The following TRIM44 variants were observed in gnomAD, a reference collection of about 807,000 sequenced individuals.
TRIM44 encodes tripartite motif containing 44, also known as tripartite motif-containing protein 44.
In TRIM44, 13 loss-of-function variants were observed where a neutral mutation model predicts 37.4. The ratio of observed to expected loss-of-function variants is 0.35; its 90% CI spans 0.23 to 0.55. The LOEUF (loss-of-function observed/expected upper bound fraction) is 0.55. Ranked by LOEUF, TRIM44 falls within the 20% of genes least tolerant of loss-of-function variation. TRIM44 has a pLI of 0.89. For synonymous variants in TRIM44, 175 were observed against 157.2 expected, an observed-to-expected ratio of 1.11 and a Z score of -0.85; for missense variants, 426 against 437.2, an observed-to-expected ratio of 0.97 and a Z score of 0.23.
At chr11:35,716,216 C>T (rs1290003940) in intron 2 of TRIM44, among the ~76,000 whole-genome samples, 3 of 152,050 alleles carry the variant, frequency 2.0e-5, no homozygotes, top group Admixed American at 6.6e-5. Context: ...AATAGAAAGC[C>T]AAGGATTCAA....
At chr11:35,800,252 G>A (rs1853348283) in intron 4 of TRIM44, among the ~76,000 whole-genome samples, 1 of 152,196 alleles carries the variant, frequency 6.6e-6, no homozygotes. Flanking sequence ...AGCTCTTAAA[G>A]GTGGTACAGA....
At chr11:35,797,580 A>G (rs1336113948) in intron 4 of TRIM44, among the ~76,000 whole-genome samples, 1 of 152,222 alleles carries the variant, frequency 6.6e-6, no homozygotes, top group African/African-American at 2.4e-5. Flanking sequence ...AACCCTTGAT[A>G]TGATGTAATG....
chr11:35,764,806 A>G (rs1441413962), intron 4 of TRIM44, among the ~76,000 whole-genome samples: 2 of 152,178 alleles, frequency 1.3e-5, no homozygotes, highest in Non-Finnish European at 2.9e-5. Context: ...CCAGCTTTAT[A>G]TCCTGGCATT....
intron 2 of TRIM44, among the ~76,000 whole-genome samples, chr11:35,706,846 C>G (rs1211794704): frequency 6.6e-6 from 1 of 151,352 alleles, no homozygotes. Context: ...CCTTTGAAAA[C>G]TGGCACAAGA....
intron 4 of TRIM44, among the ~76,000 whole-genome samples, chr11:35,795,405 G>A (rs1853268910): frequency 1.3e-5 from 2 of 152,000 alleles, no homozygotes; most frequent in East Asian, 3.9e-4. Context: ...TCAAGCAGGA[G>A]ATGGTGGCAG....
intron 2 of TRIM44, among the ~76,000 whole-genome samples, chr11:35,720,123 T>G (rs1470152370): frequency 3.3e-5 from 5 of 152,234 alleles, no homozygotes; most frequent in Non-Finnish European, 7.3e-5. Flanking sequence ...TAGATCAACT[T>G]TGGAAGACCT....
chr11:35,730,847 A>G (rs1324181335), intron 3 of TRIM44, among the ~76,000 whole-genome samples: 2 of 144,416 alleles, frequency 1.4e-5, no homozygotes, highest in Admixed American at 6.9e-5. Flanking sequence ...TATTAGCCTT[A>G]TATCTTTTTT....
rs1017025594 is a variant in TRIM44, at chr11:35,816,161, C to T, written c.*9776C>T. 1.3e-5 allele frequency: 2 copies of T among 152,112 alleles called. No individual in the cohort carries two copies. The highest frequency in any genetic ancestry group is 2.9e-5 in the Non-Finnish European group (2 of 68,014). 9.4% of individuals were successfully genotyped at this position (152,112 alleles called of 1,614,324 possible). A position where few individuals can be genotyped will look rare whatever the true frequency, so the allele number is the denominator to read the frequency against. Reference sequence around the variant, plus strand: ...GGCCTTTCCATCTGGAAACCATGAGCCTCATGGATTCCAGGCACAAATTCT... The same window carrying T: ...GGCCTTTCCATCTGGAAACCATGAGTCTCATGGATTCCAGGCACAAATTCT... On this transcript the variant is annotated 3_prime_UTR_variant, in exon 5 of 5. Transcript: ENST00000299413.
rs1852317789 is a variant in TRIM44 at position 35,735,562 on chromosome 11, T to C, written c.1007+117T>C. 5 of 1,012,714 alleles carry C rather than the reference T, an allele frequency of 4.9e-6. No homozygotes were observed. The South Asian group carries it at 6.9e-5, about 14-fold the overall frequency. 62.7% of individuals were successfully genotyped at this position (1,012,714 alleles called of 1,614,324 possible). A position where few individuals can be genotyped will look rare whatever the true frequency, so the allele number is the denominator to read the frequency against. On this transcript the variant is annotated intron_variant, in intron 4 of 4. Coordinates refer to ENST00000299413, the MANE Select transcript of TRIM44 (RefSeq NM_017583.6). ...GAACAGCACAGAAAAGGGATCTCTA[T>C]CTTAAGCCTGGGATTTGAAGATCTT... is the stretch of plus-strand genomic sequence containing the variant.
chr11:35,686,865 G>C (rs1349281077), intron 2 of TRIM44, among the ~76,000 whole-genome samples: 1 of 152,148 alleles, frequency 6.6e-6, no homozygotes, highest in Non-Finnish European at 1.5e-5. Context: ...GCCACACTTT[G>C]TTGTGCAGCC....
intron 3 of TRIM44, among the ~76,000 whole-genome samples, chr11:35,732,494 A>C (rs890856728): frequency 6.6e-6 from 1 of 152,226 alleles, no homozygotes; most frequent in African/African-American, 2.4e-5. Context: ...ATTATTTACT[A>C]TGAGCCTTGT....
chr11:35,785,583 T>C (rs992080665), intron 4 of TRIM44, among the ~76,000 whole-genome samples: 3 of 152,212 alleles, frequency 2.0e-5, no homozygotes, highest in African/African-American at 7.2e-5. Flanking sequence ...TCAGTCTTTA[T>C]GGTGGACAGC....
chr11:35,666,521 A>G (rs990411866), intron 1 of TRIM44, among the ~76,000 whole-genome samples: 4 of 152,200 alleles, frequency 2.6e-5, no homozygotes, highest in African/African-American at 9.7e-5. Flanking sequence ...ATTGCTTCGC[A>G]GTTAAGTTTT....
At position 35,663,118 on chromosome 11, in the gene TRIM44, T is replaced by G. The variant is rs1851289790; in HGVS notation, c.7T>G (p.Ser3Ala). The G allele has an allele frequency of 2.0e-6, 3 of 1,524,156 alleles. No homozygotes were observed. Among genetic ancestry groups the G allele is most frequent in the African/African-American group, 1.4e-5 (1 of 72,378 alleles). 94.4% of individuals were successfully genotyped at this position (1,524,156 alleles called of 1,614,324 possible). A position where few individuals can be genotyped will look rare whatever the true frequency, so the allele number is the denominator to read the frequency against. The change falls in exon 1 of 5, where the codon TCT becomes GCT. Residue 3 changes from serine to alanine, a missense_variant. This residue lies in a region of TRIM44 where 331 missense variants were observed against 303.0 expected (regional missense o/e 1.09). Coordinates refer to ENST00000299413, the MANE Select transcript of TRIM44 (RefSeq NM_017583.6). The part of the protein sequence containing the change: MA[S>A]GVGAAFEELP... ...GCCGCGTCACAGCACCCACATGGCC[T>G]CTGGAGTGGGCGCGGCCTTCGAGGA...
At chr11:35,714,794 C>T (rs552175582) in intron 2 of TRIM44, among the ~76,000 whole-genome samples, 22 of 152,266 alleles carry the variant, frequency 1.4e-4, no homozygotes, top group African/African-American at 4.3e-4. Flanking sequence ...CACTTCTACA[C>T]GATAGTTCCC....
chr11:35,778,416 C>G (rs1313725405), intron 4 of TRIM44, among the ~76,000 whole-genome samples: 2 of 152,182 alleles, frequency 1.3e-5, no homozygotes, highest in Non-Finnish European at 2.9e-5. Flanking sequence ...TCCTTTAGCT[C>G]AGAGAAGTTT....
In TRIM44 at chr11:35,806,402, G is replaced by A; in HGVS notation, c.*17G>A. 2 of 1,613,588 alleles carry A rather than the reference G, an allele frequency of 1.2e-6. No individual in the cohort carries two copies. The highest frequency in any genetic ancestry group is 2.2e-5 in the East Asian group (1 of 44,860). ...GACACATGAAGGCTTGCTACCCCCA[G>A]TGGAAAATCATCCCCTCCCCTTGTG... On this transcript the variant is annotated 3_prime_UTR_variant, in exon 5 of 5. Transcript: ENST00000299413.
At chr11:35,679,288 A>G (rs1007163975) in intron 1 of TRIM44, among the ~76,000 whole-genome samples, 1 of 152,154 alleles carries the variant, frequency 6.6e-6, no homozygotes, top group Non-Finnish European at 1.5e-5. Context: ...TTCTGATGCC[A>G]CTGCTACCTG....
At chr11:35,753,566 G>A (rs1852584993) in intron 4 of TRIM44, among the ~76,000 whole-genome samples, 1 of 152,146 alleles carries the variant, frequency 6.6e-6, no homozygotes, top group Non-Finnish European at 1.5e-5. Flanking sequence ...GTTCTCTTAG[G>A]CAGGACTACC....
Sources: gnomAD v4.1 joint callset for allele counts (sites outside exome capture counted in the v4.1 genomes callset) on GRCh38, gnomAD v4.1.1 for gene constraint, gnomAD v4.1.1 regional missense constraint, MANE v1.5 for transcripts, NCBI Gene and HGNC (gene_info 2026-07-23, HGNC 2026-07-21) for gene names.